Variants in TACC2 observed in about 807,000 individuals in gnomAD.
The protein encoded by TACC2 is transforming acidic coiled-coil-containing protein 2.
TACC2 carries 137 observed loss-of-function variants against 227.3 expected under a neutral mutation model. The observed-to-expected ratio is 0.60, with a 90% CI of 0.52 to 0.69. The LOEUF (loss-of-function observed/expected upper bound fraction) is 0.69. Among genes scored for constraint, TACC2 ranks in the 30% least tolerant of loss-of-function variants. The pLI, the probability that TACC2 is intolerant of heterozygous loss-of-function variation, is 0.00. For synonymous variants in TACC2, 1,523 were observed against 1,487.5 expected (o/e 1.02, Z -0.55); for missense variants, 3,470 against 3,694.4 (o/e 0.94, Z 1.57).
rs1394358754 is a variant in TACC2 at position 122,116,394 on chromosome 10, T to G, written c.5574-16215T>G. On this transcript the variant is annotated intron_variant, in intron 5 of 22. Coordinates refer to ENST00000369005, the MANE Select transcript of TACC2 (RefSeq NM_206862.4). ...AAAGCAAAGTCCCCAAGACTTATTT[T>G]CCTTAGGTTGGGGAAGGGCAGTATT... Among the ~76,000 whole-genome samples, 3 of 152,362 alleles carry G rather than the reference T, an allele frequency of 2.0e-5. No individual in the cohort carries two copies. The East Asian group carries it at 5.8e-4, about 29-fold the overall frequency.
intron 5 of TACC2, among the ~76,000 whole-genome samples, chr10:122,108,480 T>C (rs1239244619): frequency 2.8e-5 from 4 of 143,976 alleles, no homozygotes; most frequent in Non-Finnish European, 6.1e-5. Flanking sequence ...AGTTCTAGTC[T>C]TGTCACCCAG....
chr10:122,067,461 T>G (rs1318878400), intron 3 of TACC2, among the ~76,000 whole-genome samples: 1 of 151,958 alleles, frequency 6.6e-6, no homozygotes, highest in Non-Finnish European at 1.5e-5. Flanking sequence ...TTTGAAGCAG[T>G]TTGGTTACGA....
intron 3 of TACC2, among the ~76,000 whole-genome samples, chr10:122,070,561 C>T (rs369420263): frequency 7.9e-5 from 12 of 152,164 alleles, no homozygotes; most frequent in African/African-American, 2.9e-4. Context: ...GGAGACCAGC[C>T]TGACCAACAT....
intron 5 of TACC2, among the ~76,000 whole-genome samples, chr10:122,112,664 C>G (rs2083821677): frequency 6.6e-6 from 1 of 152,234 alleles, no homozygotes; most frequent in Admixed American, 6.5e-5. Flanking sequence ...CCTTCCCAGT[C>G]CGTTCTCACG....
At chr10:122,183,368 G>T (rs1272695427) in intron 7 of TACC2, among the ~76,000 whole-genome samples, 2 of 152,124 alleles carry the variant, frequency 1.3e-5, no homozygotes, top group Non-Finnish European at 2.9e-5. Context: ...CTCTATGATG[G>T]TGTTGCCCTT....
intron 5 of TACC2, among the ~76,000 whole-genome samples, chr10:122,103,032 A>G (rs11815483): frequency 0.25 from 37,667 of 151,760 alleles, 4,878 homozygotes; most frequent in East Asian, 0.48. Flanking sequence ...TGTACAGCCC[A>G]TCATGGAATG....
chr10:122,053,166 A>G (rs955866467), intron 3 of TACC2, among the ~76,000 whole-genome samples: 4 of 152,196 alleles, frequency 2.6e-5, no homozygotes, highest in African/African-American at 9.6e-5. Flanking sequence ...AAAGAGGCTT[A>G]ATGAAGAACT....
At chr10:122,098,238 G>A (rs752247627) in intron 5 of TACC2, among the ~76,000 whole-genome samples, 6 of 152,152 alleles carry the variant, frequency 3.9e-5, no homozygotes, top group Non-Finnish European at 1.5e-5. Context: ...ATATGTTTGT[G>A]GCCATTTTGA....
chr10:122,087,652 G>A lies in TACC2; in HGVS notation c.5152G>A (p.Ala1718Thr). Residue 1718 changes from alanine to threonine, a missense_variant, in exon 4 of 23, where the codon GCA becomes ACA. Coordinates refer to ENST00000369005, the MANE Select transcript of TACC2 (RefSeq NM_206862.4). ...DITLSTAETQ[A>T]CASGDLPEAG... ...CACCCTGAGCACAGCTGAGACACAG[G>A]CATGTGCGTCCGGTGATCTGCCTGA... The A allele has an allele frequency of 6.2e-7, 1 of 1,613,428 alleles. No homozygotes were observed. Among genetic ancestry groups the A allele is most frequent in the Non-Finnish European group, 8.5e-7 (1 of 1,180,012 alleles).
intron 5 of TACC2, among the ~76,000 whole-genome samples, chr10:122,114,222 G>A (rs991202123): frequency 1.3e-5 from 2 of 152,128 alleles, no homozygotes. Flanking sequence ...AGGAAGGTGC[G>A]GCTCTGTTAC....
rs1436181308 is a variant in TACC2 at position 122,084,240 on chromosome 10, G to A, written c.1740G>A (p.Glu580=). 1.2e-6 allele frequency: 2 copies of A among 1,614,096 alleles called. No individual in the cohort carries two copies. Among genetic ancestry groups the A allele is most frequent in the South Asian group, 2.2e-5 (2 of 91,090 alleles). Residue 580 remains glutamate (E), a synonymous_variant, in exon 4 of 23, where the codon GAG becomes GAA. Coordinates refer to ENST00000369005, the MANE Select transcript of TACC2 (RefSeq NM_206862.4). ...RSPGDSPGGK[E]EAPEPPDGGD... ...CTGGTGACAGCCCTGGAGGAAAGGA[G>A]GAAGCCCCAGAGCCACCTGATGGTG...
intron 13 of TACC2, among the ~76,000 whole-genome samples, chr10:122,226,690 C>T (rs998953113): frequency 5.3e-5 from 8 of 152,028 alleles, no homozygotes; most frequent in African/African-American, 1.9e-4. Flanking sequence ...CCTCTCACCT[C>T]AGCCTCCCAA....
intron 7 of TACC2, among the ~76,000 whole-genome samples, chr10:122,188,500 G>T: frequency 6.6e-6 from 1 of 152,010 alleles, no homozygotes; most frequent in Admixed American, 6.5e-5. Flanking sequence ...TATTGGCCAG[G>T]CTGGTCTTGA....
At chr10:122,204,993 C>T (rs2095055929) in intron 8 of TACC2, among the ~76,000 whole-genome samples, 1 of 152,158 alleles carries the variant, frequency 6.6e-6, no homozygotes, top group African/African-American at 2.4e-5. Context: ...CAAAGCCTCC[C>T]CTTAGGTGCT....
chr10:122,033,395 A>G (rs1488575317), intron 2 of TACC2, among the ~76,000 whole-genome samples: 1 of 152,114 alleles, frequency 6.6e-6, no homozygotes, highest in Non-Finnish European at 1.5e-5. Context: ...CTTGGTTGGT[A>G]TGTTCTGCAA....
chr10:122,136,643 C>T (rs980106586), intron 6 of TACC2, among the ~76,000 whole-genome samples: 8 of 151,692 alleles, frequency 5.3e-5, no homozygotes, highest in African/African-American at 1.9e-4. Flanking sequence ...AACTCGGCCC[C>T]CTGGGGCTCA....
chr10:122,234,150 G>C (rs1170567371), intron 16 of TACC2, among the ~76,000 whole-genome samples: 1 of 152,208 alleles, frequency 6.6e-6, no homozygotes, highest in Non-Finnish European at 1.5e-5. Context: ...TGCTCCAGGG[G>C]ACAGGGATCC....
chr10:122,196,999 G>T (rs967175708), intron 8 of TACC2, among the ~76,000 whole-genome samples: 1 of 149,938 alleles, frequency 6.7e-6, no homozygotes, highest in African/African-American at 2.5e-5. Context: ...GGTGGCTCAC[G>T]CCTGTAATCC....
intron 1 of TACC2, among the ~76,000 whole-genome samples, chr10:121,994,147 G>A (rs76057849): frequency 0.018 from 2,783 of 152,178 alleles, 45 homozygotes; most frequent in Non-Finnish European, 0.029. Context: ...TTTAGAACTC[G>A]CCTAACTAAC....
Sources: allele counts gnomAD v4.1 joint callset (sites outside exome capture counted in the v4.1 genomes callset), GRCh38; gene constraint gnomAD v4.1.1; transcripts MANE v1.5; gene names NCBI Gene and HGNC (gene_info 2026-07-23, HGNC 2026-07-21).